LRMDA: variants seen among roughly 807,000 people sequenced by gnomAD.
LRMDA encodes the protein leucine-rich melanocyte differentiation-associated protein.
In LRMDA, 18 loss-of-function variants were observed where a neutral mutation model predicts 29.8. That is an observed-to-expected ratio of 0.60 (90% CI 0.42 to 0.90). The LOEUF (loss-of-function observed/expected upper bound fraction) is 0.90. Ranked by LOEUF, LRMDA falls within the 40% of genes least tolerant of loss-of-function variation. LRMDA has a pLI of 0.00. For synonymous variants in LRMDA, 125 were observed against 109.4 expected, an observed-to-expected ratio of 1.14 and a Z score of -0.89; for missense variants, 273 against 273.9, an observed-to-expected ratio of 1.00 and a Z score of 0.02.
At chr10:76,517,881 CA>C (rs200285989) in intron 6 of LRMDA, among the ~76,000 whole-genome samples, 7 of 143,942 alleles carry the variant, frequency 4.9e-5, no homozygotes, top group East Asian at 2.0e-4. Context: ...GAATCACCGC[CA>C]AAAAAAAGAG....
At chr10:75,795,676 C>T (rs767480827) in intron 2 of LRMDA, among the ~76,000 whole-genome samples, 1 of 152,252 alleles carries the variant, frequency 6.6e-6, no homozygotes, top group Non-Finnish European at 1.5e-5. Flanking sequence ...TATGAGTCCT[C>T]CAAATTTGTA....
intron 2 of LRMDA, among the ~76,000 whole-genome samples, chr10:75,914,860 T>G (rs1276378648): frequency 6.6e-6 from 1 of 152,222 alleles, no homozygotes; most frequent in Non-Finnish European, 1.5e-5. Context: ...CAGGGCAACA[T>G]GACCTCTTGT....
At chr10:76,372,481 C>T (rs1841465939) in intron 6 of LRMDA, among the ~76,000 whole-genome samples, 1 of 151,886 alleles carries the variant, frequency 6.6e-6, no homozygotes, top group Non-Finnish European at 1.5e-5. Flanking sequence ...GGCATGGTGG[C>T]AGGTGCCTGA....
At chr10:75,615,182 G>A (rs1327798056) in intron 2 of LRMDA, among the ~76,000 whole-genome samples, 1 of 152,124 alleles carries the variant, frequency 6.6e-6, no homozygotes, top group East Asian at 1.9e-4. Flanking sequence ...TCATAACTGA[G>A]TCATTATGTG....
At chr10:76,354,813 G>A (rs1027377707) in intron 6 of LRMDA, among the ~76,000 whole-genome samples, 2 of 152,084 alleles carry the variant, frequency 1.3e-5, no homozygotes, top group African/African-American at 2.4e-5. Context: ...TCATTTCTGC[G>A]TGTTAGGAAC....
At chr10:76,226,069 T>C (rs981945882) in intron 5 of LRMDA, among the ~76,000 whole-genome samples, 1 of 152,160 alleles carries the variant, frequency 6.6e-6, no homozygotes, top group Non-Finnish European at 1.5e-5. Context: ...TCATTTTTTA[T>C]GGCTGCATAG....
chr10:76,335,447 A>G (rs1840955460), intron 6 of LRMDA, among the ~76,000 whole-genome samples: 1 of 152,216 alleles, frequency 6.6e-6, no homozygotes, highest in Non-Finnish European at 1.5e-5. Flanking sequence ...GTATGAACCC[A>G]TAGGTATCTG....
chr10:75,920,143 G>GTTT (rs1478463552), intron 2 of LRMDA, among the ~76,000 whole-genome samples: 7 of 152,060 alleles, frequency 4.6e-5, no homozygotes, highest in Non-Finnish European at 1.0e-4. Context: ...TAAGTACATT[G>GTTT]TTTTGGAAAG....
intron 2 of LRMDA, among the ~76,000 whole-genome samples, chr10:75,910,342 T>A (rs1845823065): frequency 6.6e-6 from 1 of 152,222 alleles, no homozygotes; most frequent in Admixed American, 6.5e-5. Context: ...CATTTCTTTT[T>A]CTAGTTAAAC....
rs188610114 is a variant in LRMDA, at chr10:75,730,346, C to T, written c.131+291852C>T. Among the ~76,000 whole-genome samples the T allele has an allele frequency of 2.3e-3, 348 of 152,212 alleles. 1 individual carries two copies. Among genetic ancestry groups the T allele is most frequent in the African/African-American group, 7.9e-3 (327 of 41,516 alleles). On this transcript the variant is annotated intron_variant, in intron 2 of 6. Transcript: ENST00000611255. ...ATATCTCAACACAGATCAACAGATG[C>T]ACAATGGCCACGACCCCACCATTCA...
intron 2 of LRMDA, among the ~76,000 whole-genome samples, chr10:75,465,248 A>G (rs1365591733): frequency 6.6e-6 from 1 of 152,200 alleles, no homozygotes; most frequent in Non-Finnish European, 1.5e-5. Context: ...TGTCACGTGG[A>G]GAGAGGCCCA....
At chr10:76,368,503 C>T (rs1841417900) in intron 6 of LRMDA, among the ~76,000 whole-genome samples, 1 of 152,024 alleles carries the variant, frequency 6.6e-6, no homozygotes, top group Admixed American at 6.6e-5. Flanking sequence ...TGTATTGAGG[C>T]TCGTTTTATG....
intron 6 of LRMDA, among the ~76,000 whole-genome samples, chr10:76,348,628 T>G (rs1215828868): frequency 6.6e-6 from 1 of 152,192 alleles, no homozygotes; most frequent in Non-Finnish European, 1.5e-5. Flanking sequence ...CAAACCCTAC[T>G]GAATAGTGGC....
At chr10:76,271,513 TA>T (rs1840067751) in intron 5 of LRMDA, among the ~76,000 whole-genome samples, 2 of 152,224 alleles carry the variant, frequency 1.3e-5, no homozygotes, top group African/African-American at 4.8e-5. Flanking sequence ...CTTTGATTGG[TA>T]ACAAAGGAAT....
rs181472732 is a variant in LRMDA at position 75,742,136 on chromosome 10, G to A, written c.132-293872G>A. ...TAACAGCCTGTACTGACTAAGATAC[G>A]TGCATTATAGGCAGGAAGTAAAAAT... On this transcript the variant is annotated intron_variant, in intron 2 of 6. Coordinates refer to ENST00000611255, the MANE Select transcript of LRMDA (RefSeq NM_001305581.2). Among the ~76,000 whole-genome samples, 234 of 152,302 alleles carry A rather than the reference G, an allele frequency of 1.5e-3. 3 individuals are homozygous for A. The highest frequency in any genetic ancestry group is 9.6e-4 in the East Asian group (5 of 5,184).
intron 6 of LRMDA, among the ~76,000 whole-genome samples, chr10:76,446,752 C>T (rs1037756047): frequency 5.3e-5 from 8 of 152,176 alleles, no homozygotes; most frequent in African/African-American, 1.7e-4. Flanking sequence ...GGAGCTGCCA[C>T]GTTGCGTGGA....
chr10:75,469,747 C>T (rs937457042), intron 2 of LRMDA, among the ~76,000 whole-genome samples: 1 of 152,142 alleles, frequency 6.6e-6, no homozygotes, highest in Admixed American at 6.5e-5. Flanking sequence ...GTGTTTCTGC[C>T]GTGCTTGGAA....
intron 5 of LRMDA, among the ~76,000 whole-genome samples, chr10:76,120,189 AT>A (rs35999168): frequency 0.31 from 40,537 of 132,802 alleles, 5,316 homozygotes; most frequent in East Asian, 0.59. Context: ...GTATGTGTTG[AT>A]TTTTTTTTTT....
intron 2 of LRMDA, among the ~76,000 whole-genome samples, chr10:75,588,648 G>C (rs749756742): frequency 3.3e-5 from 5 of 152,086 alleles, no homozygotes; most frequent in Non-Finnish European, 5.9e-5. Context: ...TTTTTGAATA[G>C]GTAATACTCC....
Sources: gnomAD v4.1 joint callset for allele counts (sites outside exome capture counted in the v4.1 genomes callset) on GRCh38, gnomAD v4.1.1 for gene constraint, MANE v1.5 for transcripts, NCBI Gene and HGNC (gene_info 2026-07-23, HGNC 2026-07-21) for gene names.